The following BLNK variants were observed in gnomAD, a reference collection of about 807,000 sequenced individuals.
The protein encoded by BLNK is B-cell linker protein.
In BLNK, 29 loss-of-function variants were observed where a neutral mutation model predicts 73.5. The observed-to-expected ratio is 0.39, with a 90% CI of 0.29 to 0.54. The LOEUF (loss-of-function observed/expected upper bound fraction) is 0.54. Ranked by LOEUF, BLNK falls within the 20% of genes least tolerant of loss-of-function variation. The pLI is 0.61. For synonymous variants in BLNK, 176 were observed against 200.8 expected (o/e 0.88, Z 1.04); for missense variants, 460 against 562.8 (o/e 0.82, Z 1.85).
chr10:96,249,252 G>A (rs1591356834), intron 1 of BLNK, among the ~76,000 whole-genome samples: 1 of 152,230 alleles, frequency 6.6e-6, no homozygotes, highest in South Asian at 2.1e-4. Context: ...GTTTAGCATA[G>A]GTCTAGGAAA....
At chr10:96,264,825 G>A (rs1843919559) in intron 1 of BLNK, among the ~76,000 whole-genome samples, 1 of 152,118 alleles carries the variant, frequency 6.6e-6, no homozygotes, top group Admixed American at 6.5e-5. Context: ...ATATAACCAA[G>A]AAGATTAAAG....
chr10:96,209,992 C>T, intron 8 of BLNK, 85 bp from the exon 9 acceptor site: 1 of 1,411,832 alleles, frequency 7.1e-7, no homozygotes, highest in Non-Finnish European at 1.0e-6. Flanking sequence ...CTGGCAGGCT[C>T]AGAAATATTT....
chr10:96,189,668 G>C lies in BLNK; in HGVS notation c.*2305C>G. 2.8e-6 allele frequency: 2 copies of C among 718,790 alleles called. No homozygotes were observed. Among genetic ancestry groups the C allele is most frequent in the South Asian group, 2.7e-5 (2 of 73,024 alleles). 44.5% of individuals were successfully genotyped at this position (718,790 alleles called of 1,614,324 possible). Reference sequence around the variant, plus strand: ...CTGGAGTATGTAGATTTCTTCAATGGTGCTTTTTCTTCAGTTTCCTCATCA... The same window carrying C: ...CTGGAGTATGTAGATTTCTTCAATGCTGCTTTTTCTTCAGTTTCCTCATCA... On this transcript the variant is annotated 3_prime_UTR_variant, in exon 17 of 17. Transcript: ENST00000224337.
intron 13 of BLNK, among the ~76,000 whole-genome samples, chr10:96,202,153 A>G (rs587633816): frequency 6.6e-6 from 1 of 152,276 alleles, no homozygotes; most frequent in African/African-American, 2.4e-5. Context: ...CAATGAAGGG[A>G]CCAGATTTAT....
At chr10:96,213,848 G>T (rs950489260) in intron 8 of BLNK, among the ~76,000 whole-genome samples, 1 of 152,206 alleles carries the variant, frequency 6.6e-6, no homozygotes, top group Non-Finnish European at 1.5e-5. Flanking sequence ...CGATGTTTTA[G>T]ATTGGCATGT....
At chr10:96,247,617 A>G (rs1843103030) in intron 1 of BLNK, among the ~76,000 whole-genome samples, 1 of 152,196 alleles carries the variant, frequency 6.6e-6, no homozygotes. Context: ...AACTGAATCA[A>G]ATGGAAAACC....
chr10:96,244,864 T>C (rs1373096283), intron 2 of BLNK, among the ~76,000 whole-genome samples: 3 of 152,118 alleles, frequency 2.0e-5, no homozygotes, highest in Non-Finnish European at 4.4e-5. Flanking sequence ...AGAGGCTTCA[T>C]GTTATTGAGA....
At chr10:96,241,487 T>A (rs930491779) in intron 3 of BLNK, among the ~76,000 whole-genome samples, 1 of 152,194 alleles carries the variant, frequency 6.6e-6, no homozygotes, top group African/African-American at 2.4e-5. Context: ...TGATCCTAGT[T>A]GGAATGAGGT....
At chr10:96,206,550 CAAA>C (rs587613981) in intron 11 of BLNK, among the ~76,000 whole-genome samples, 10 of 126,996 alleles carry the variant, frequency 7.9e-5, no homozygotes, top group Admixed American at 3.3e-4. Flanking sequence ...GACCCTAACT[CAAA>C]AAAAAAAAAA....
intron 1 of BLNK, among the ~76,000 whole-genome samples, chr10:96,252,846 T>C (rs1437226241): frequency 4.6e-5 from 7 of 152,122 alleles, no homozygotes; most frequent in Non-Finnish European, 8.8e-5. Flanking sequence ...GTGCTCTAAG[T>C]GACTAACAGA....
chr10:96,210,164 C>A (rs2083914278), intron 8 of BLNK: 2 of 516,570 alleles, frequency 3.9e-6, no homozygotes, highest in African/African-American at 1.9e-5. Flanking sequence ...TTCTAAAGGA[C>A]CTTCTCCTTA....
At chr10:96,222,882 G>T (rs782743978) in intron 6 of BLNK, among the ~76,000 whole-genome samples, 9 of 152,162 alleles carry the variant, frequency 5.9e-5, no homozygotes, top group Non-Finnish European at 1.3e-4. Flanking sequence ...AGCAGGGCAG[G>T]AGAGGGCTCC....
Position 96,242,926 on chromosome 10 carries a change from A to C in BLNK, c.114-142T>G, listed in dbSNP as rs1392032230. On this transcript the variant is annotated intron_variant, in intron 2 of 16. Transcript: ENST00000224337. ...TTGGACCAATCAATGGACAGATTTGATGTATTGTAAATGTAGTGAAGCCAT... is the reference window on the plus strand; with the variant it reads ...TTGGACCAATCAATGGACAGATTTGCTGTATTGTAAATGTAGTGAAGCCAT... 5.1e-6 allele frequency: 4 copies of C among 781,852 alleles called. No homozygotes were observed. In the African/African-American group the frequency reaches 6.9e-5, roughly 13 times the overall value. The allele number at this position is 781,852 out of a possible 1,614,324, so 48.4% of individuals were successfully genotyped here.
At chr10:96,237,164 G>A (rs901363218) in intron 3 of BLNK, among the ~76,000 whole-genome samples, 1 of 152,192 alleles carries the variant, frequency 6.6e-6, no homozygotes, top group South Asian at 2.1e-4. Context: ...AGTACCTCCA[G>A]GGGAATATGG....
At position 96,242,591 on chromosome 10, in the gene BLNK, A is replaced by G. The variant is rs587657552; in HGVS notation, c.163+144T>C. The G allele has an allele frequency of 1.1e-4, 96 of 842,672 alleles. 3 individuals carry two copies. The South Asian group carries it at 1.4e-3, about 12-fold the overall frequency. The allele number at this position is 842,672 out of a possible 1,614,324, so 52.2% of individuals were successfully genotyped here. The stretch of plus-strand genomic sequence containing the variant: ...CATCTCCACTGTAGTCAAAATGCCT[A>G]ATAGATTTAGTCATTCTTGAAATTA... On this transcript the variant is annotated intron_variant, in intron 3 of 16. Coordinates refer to ENST00000224337, the MANE Select transcript of BLNK (RefSeq NM_013314.4).
chr10:96,233,377 G>A (rs1411425700), intron 3 of BLNK, among the ~76,000 whole-genome samples: 1 of 152,048 alleles, frequency 6.6e-6, no homozygotes, highest in East Asian at 1.9e-4. Flanking sequence ...CCTACCGTTT[G>A]TAGTTATTTT....
At chr10:96,195,299 C>A (rs2083437859) in intron 16 of BLNK, among the ~76,000 whole-genome samples, 1 of 152,184 alleles carries the variant, frequency 6.6e-6, no homozygotes, top group African/African-American at 2.4e-5. Flanking sequence ...ATCCAGCAAT[C>A]CCACTTCTGG....
At chr10:96,267,713 G>C (rs991290630) in intron 1 of BLNK, among the ~76,000 whole-genome samples, 2 of 152,190 alleles carry the variant, frequency 1.3e-5, no homozygotes, top group Non-Finnish European at 2.9e-5. Context: ...GCAAAGCCAA[G>C]TGTCACAGAT....
At chr10:96,270,625 A>C (rs987743990) in intron 1 of BLNK, among the ~76,000 whole-genome samples, 3 of 150,952 alleles carry the variant, frequency 2.0e-5, no homozygotes, top group African/African-American at 4.9e-5. Context: ...AAAAAAAAAA[A>C]CTGTTAAAAA....
Sources: gnomAD v4.1 joint callset for allele counts (sites outside exome capture counted in the v4.1 genomes callset) on GRCh38, gnomAD v4.1.1 for gene constraint, MANE v1.5 for transcripts, NCBI Gene and HGNC (gene_info 2026-07-23, HGNC 2026-07-21) for gene names.